BAHCC1: variants seen among roughly 807,000 people sequenced by gnomAD.
The protein encoded by BAHCC1 is BAH domain and coiled-coil containing 1.
A neutral mutation model predicts 88.2 loss-of-function variants in BAHCC1; 43 were observed. The observed-to-expected ratio is 0.49, with a 90% CI of 0.38 to 0.63. BAHCC1 has a LOEUF of 0.63. Ranked by LOEUF, BAHCC1 falls within the 20% of genes least tolerant of loss-of-function variation. BAHCC1 has a pLI of 0.00. For missense variants in BAHCC1, 3,023 were observed against 1,654.8 expected, an observed-to-expected ratio of 1.83 and a Z score of -14.34; for synonymous variants, 1,510 against 745.5, an observed-to-expected ratio of 2.03 and a Z score of -16.71.
At chr17:81,409,034 T>C (rs2063915574) in intron 2 of BAHCC1, among the ~76,000 whole-genome samples, 1 of 152,204 alleles carries the variant, frequency 6.6e-6, no homozygotes, top group South Asian at 2.1e-4. Flanking sequence ...CCGGAAAAGA[T>C]GAACGATTAA....
chr17:81,411,017 A>T lies in BAHCC1; in HGVS notation c.178+11100A>T. On this transcript the variant is annotated intron_variant, in intron 2 of 27. Coordinates refer to ENST00000675386, the MANE Select transcript of BAHCC1 (RefSeq NM_001377448.1). This position sits in a 1 kb window ranked among gnomAD's most constrained non-coding sequence, Gnocchi z 6.2. ...AGCCGCACCTGGGTCTTTGTTGTCC[A>T]TATGTCTGTGTGAAGGCCTGGGGCC... 1.9e-6 allele frequency: 1 copy of T among 513,964 alleles called. No homozygotes were observed. The allele number at this position is 513,964 out of a possible 1,614,324, so 31.8% of individuals were successfully genotyped here. A position where few individuals can be genotyped will look rare whatever the true frequency, so the allele number is the denominator to read the frequency against.
Position 81,456,558 on chromosome 17 carries a change from C to T in BAHCC1, c.4831C>T (p.Pro1611Ser). The change falls in exon 16 of 28, where the codon CCC becomes TCC. Residue 1611 changes from proline to serine, a missense_variant. Coordinates refer to ENST00000675386, the MANE Select transcript of BAHCC1 (RefSeq NM_001377448.1). ...GGAGACACCCAGGTGCCCAGCCCAG[C>T]CCTCCGTGGCTGCGTCCCAGGAGGC... Reference protein sequence around the residue: ...SRETPRCPAQPSVAASQEAGS... With the variant: ...SRETPRCPAQSSVAASQEAGS... The T allele has an allele frequency of 2.8e-6, 2 of 709,596 alleles. No homozygotes were observed. The highest frequency in any genetic ancestry group is 2.1e-5 in the Admixed American group (1 of 47,848). The allele number at this position is 709,596 out of a possible 1,614,324, so 44.0% of individuals were successfully genotyped here.
intron 2 of BAHCC1, among the ~76,000 whole-genome samples, chr17:81,420,257 A>G (rs1224949555): frequency 1.3e-5 from 2 of 152,166 alleles, no homozygotes; most frequent in Non-Finnish European, 2.9e-5. Context: ...GCTAGTTCCC[A>G]TCGGCTGTCC....
intron 11 of BAHCC1, among the ~76,000 whole-genome samples, chr17:81,450,398 G>T (rs1349692637): frequency 1.3e-5 from 2 of 152,274 alleles, no homozygotes; most frequent in East Asian, 3.9e-4. Flanking sequence ...GCCAGCCTCT[G>T]CTGGCCCATG....
chr17:81,443,693 G>T, intron 5 of BAHCC1, 116 bp from the exon 6 acceptor site: 1 of 647,830 alleles, frequency 1.5e-6, no homozygotes, highest in South Asian at 1.7e-5. Context: ...CCAGGACCAG[G>T]GGATCCTCCT....
At chr17:81,397,424 C>G (rs1170274241) in intron 1 of BAHCC1, among the ~76,000 whole-genome samples, 7 of 150,010 alleles carry the variant, frequency 4.7e-5, no homozygotes, top group Non-Finnish European at 1.0e-4. Flanking sequence ...AACCACAAAA[C>G]AAAAGCACAG....
intron 27 of BAHCC1, 42 bp downstream of exon 27, chr17:81,463,018 C>T (rs372534076): frequency 1.3e-6 from 1 of 761,676 alleles, no homozygotes; most frequent in Non-Finnish European, 2.5e-6. Flanking sequence ...CCCTCGGGGC[C>T]CCAGGGAGGG....
chr17:81,447,964 G>A (rs1364836988), intron 11 of BAHCC1, 116 bp downstream of exon 11: 5 of 660,072 alleles, frequency 7.6e-6, no homozygotes, highest in Non-Finnish European at 1.4e-5. Context: ...TCCCCAAAGT[G>A]TGGTAGGTCC....
At chr17:81,404,808 T>C (rs1199255792) in intron 2 of BAHCC1, among the ~76,000 whole-genome samples, 14 of 152,178 alleles carry the variant, frequency 9.2e-5, no homozygotes, top group African/African-American at 3.4e-4. Flanking sequence ...AGGTAGCACC[T>C]CTGTCCCCTG....
chr17:81,418,287 C>T (rs1555649030), intron 2 of BAHCC1, among the ~76,000 whole-genome samples: 7 of 152,196 alleles, frequency 4.6e-5, no homozygotes, highest in Non-Finnish European at 1.0e-4. Context: ...GCCCGAGAAA[C>T]ATTGGGTCCT....
intron 2 of BAHCC1, among the ~76,000 whole-genome samples, chr17:81,403,826 GCGTGGACCGGCGGCGGTGGCCCGC>G (rs1417761626): frequency 6.6e-6 from 1 of 152,200 alleles, no homozygotes; most frequent in Non-Finnish European, 1.5e-5. Flanking sequence ...ATGTGGGGCC[GCGTGGACCGGCGGCGGTGGCCCGC>G]CACGCCCGCC....
Position 81,443,258 on chromosome 17 carries a change from C to T in BAHCC1, c.1909C>T (p.Leu637Phe), listed in dbSNP as rs142871523. 2.6e-6 allele frequency: 2 copies of T among 779,504 alleles called. No individual in the cohort carries two copies. The highest frequency in any genetic ancestry group is 4.8e-5 in the East Asian group (2 of 41,252). The allele number at this position is 779,504 out of a possible 1,614,324, so 48.3% of individuals were successfully genotyped here. The change falls in exon 5 of 28, where the codon CTC (leucine) becomes TTC (phenylalanine). Residue 637 changes from leucine to phenylalanine, a missense_variant. Transcript: ENST00000675386. ...PDEVSAMKNL[L>F]KYSSQALVVG... ...CGAGGTCTCAGCCATGAAGAACCTG[C>T]TCAAATACAGCAGCCAGGCCCTGGT...
At chr17:81,400,658 G>A (rs1385190014) in intron 2 of BAHCC1, 1 of 152,920 alleles carries the variant, frequency 6.5e-6, no homozygotes, top group African/African-American at 2.4e-5. Context: ...TTTGCTCCAA[G>A]AGGAGAGCGA....
chr17:81,446,534 T>C (rs1202808111), intron 10 of BAHCC1, among the ~76,000 whole-genome samples: 1 of 61,156 alleles, frequency 1.6e-5, no homozygotes, highest in Non-Finnish European at 3.6e-5. Flanking sequence ...ACCTTTTTTT[T>C]TTTTTTTTTT....
At chr17:81,409,095 G>A (rs1555647334) in intron 2 of BAHCC1, among the ~76,000 whole-genome samples, 4 of 152,210 alleles carry the variant, frequency 2.6e-5, no homozygotes, top group African/African-American at 9.7e-5. Context: ...CCCAGCCAGG[G>A]TCTCTGGTCT....
At position 81,417,555 on chromosome 17, in the gene BAHCC1, A is replaced by ACCC. The variant is rs58215427; in HGVS notation, c.179-9237_179-9235dup. 6.6e-3 allele frequency among the ~76,000 whole-genome samples: 861 copies of ACCC among 131,168 alleles called. 12 individuals carry two copies. Among genetic ancestry groups the ACCC allele is most frequent in the African/African-American group, 0.022 (686 of 31,800 alleles). 86.1% of individuals were successfully genotyped at this position (131,168 alleles called of 152,430 possible). A position where few individuals can be genotyped will look rare whatever the true frequency, so the allele number is the denominator to read the frequency against. On this transcript the variant is annotated intron_variant, in intron 2 of 27. Transcript: ENST00000675386. ...AGGGACGCCATGGGGAGCGTCGGCC[A>ACCC]CCCCCCCCCCGCCCTAGCCAAAGGG...
intron 16 of BAHCC1, among the ~76,000 whole-genome samples, 200 bp from the exon 17 acceptor site, chr17:81,457,210 C>G (rs1239938107): frequency 5.3e-5 from 8 of 152,152 alleles, no homozygotes; most frequent in Admixed American, 4.6e-4. Flanking sequence ...CTCCCCACAC[C>G]CATACAAATC....
At chr17:81,433,483 A>C (rs1196086950) in intron 3 of BAHCC1, among the ~76,000 whole-genome samples, 29 of 132,572 alleles carry the variant, frequency 2.2e-4, no homozygotes, top group South Asian at 5.1e-4. Context: ...TCCTGTGCCC[A>C]GGGCAGGAGT....
chr17:81,403,714 G>A (rs1460786836), intron 2 of BAHCC1, among the ~76,000 whole-genome samples: 1 of 152,196 alleles, frequency 6.6e-6, no homozygotes, highest in African/African-American at 2.4e-5. Context: ...AAGTAGGTGT[G>A]AAAAGAGTTA....
Sources: allele counts gnomAD v4.1 joint callset (sites outside exome capture counted in the v4.1 genomes callset), GRCh38; gene constraint gnomAD v4.1.1; non-coding constraint Gnocchi (gnomAD v3.1); transcripts MANE v1.5; gene names NCBI Gene and HGNC (gene_info 2026-07-23, HGNC 2026-07-21).